Variants in EPB41L1 observed in about 807,000 individuals in gnomAD.
EPB41L1 encodes the protein band 4.1-like protein 1.
In EPB41L1, 29 loss-of-function variants were observed where a neutral mutation model predicts 97.8. That is an observed-to-expected ratio of 0.30 (90% CI 0.22 to 0.40). The LOEUF (loss-of-function observed/expected upper bound fraction) is 0.40. Among genes scored for constraint, EPB41L1 ranks in the 10% least tolerant of loss-of-function variants. EPB41L1 has a pLI of 1.00. For missense variants in EPB41L1, 812 were observed against 1,162.3 expected (o/e 0.70, Z 4.38); for synonymous variants, 383 against 459.2 (o/e 0.83, Z 2.12).
At chr20:36,097,425 G>A (rs1362909122) in intron 1 of EPB41L1, among the ~76,000 whole-genome samples, 1 of 152,198 alleles carries the variant, frequency 6.6e-6, no homozygotes, top group Non-Finnish European at 1.5e-5. Context: ...AACATCCTTG[G>A]AATGCTTAGC....
chr20:36,185,511 T>C (rs2061647639), intron 7 of EPB41L1, among the ~76,000 whole-genome samples, 176 bp downstream of exon 7: 1 of 152,232 alleles, frequency 6.6e-6, no homozygotes. Context: ...CGATAGTGAC[T>C]GGCTGTGTGG....
chr20:36,209,563 G>T lies in EPB41L1; in HGVS notation c.1744G>T (p.Asp582Tyr), dbSNP rs377204947. 1.2e-6 allele frequency: 2 copies of T among 1,613,986 alleles called. No individual in the cohort carries two copies. The highest frequency in any genetic ancestry group is 2.7e-5 in the African/African-American group (2 of 74,888). ...CCGGGCCCCAGAGAGTGACACAGGC[G>T]ATGAGGACCAGGACCAGGAGAGGGA... Reference protein sequence around the residue: ...RPRAPESDTGDEDQDQERDTV... With the variant: ...RPRAPESDTGYEDQDQERDTV... The change falls in exon 15 of 22, where the codon GAT becomes TAT. Residue 582 changes from aspartate to tyrosine, a missense_variant. Around this residue, in one of 3 missense-constraint regions of EPB41L1, gnomAD observed 498 missense variants for 622.7 expected, o/e 0.80. Coordinates refer to ENST00000338074, the MANE Select transcript of EPB41L1 (RefSeq NM_012156.2). The surrounding 1 kb of genome is among the most constrained non-coding windows in gnomAD (Gnocchi z 4.2).
At chr20:36,199,924 G>T (rs971227385) in intron 14 of EPB41L1, among the ~76,000 whole-genome samples, 2 of 152,124 alleles carry the variant, frequency 1.3e-5, no homozygotes, top group African/African-American at 4.8e-5. Context: ...CCCACCTGCT[G>T]GTGATAGCTG....
intron 6 of EPB41L1, among the ~76,000 whole-genome samples, chr20:36,183,464 G>A (rs2061552405): frequency 6.6e-6 from 1 of 152,216 alleles, no homozygotes; most frequent in Non-Finnish European, 1.5e-5. Flanking sequence ...GCAGCAGCAA[G>A]ATCTGAAACT....
At position 36,212,527 on chromosome 20, in the gene EPB41L1, G is replaced by A. The variant is rs2063192575; in HGVS notation, c.2184+151G>A. The A allele has an allele frequency of 5.7e-6, 4 of 702,690 alleles. No homozygotes were observed. The highest frequency in any genetic ancestry group is 2.2e-5 in the Admixed American group (1 of 45,550). 43.5% of individuals were successfully genotyped at this position (702,690 alleles called of 1,614,324 possible). Reference sequence around the variant, plus strand: ...AATCCTGATGCTCTCCTGTGCCTCAGTGTCCTCTCTGAGCTCTGGGGAGGG... The same window carrying A: ...AATCCTGATGCTCTCCTGTGCCTCAATGTCCTCTCTGAGCTCTGGGGAGGG... On this transcript the variant is annotated intron_variant, in intron 16 of 21. Transcript: ENST00000338074. This position sits in a 1 kb window ranked among gnomAD's most constrained non-coding sequence, Gnocchi z 4.8.
At chr20:36,143,067 C>T (rs2059698386) in intron 2 of EPB41L1, among the ~76,000 whole-genome samples, 1 of 151,884 alleles carries the variant, frequency 6.6e-6, no homozygotes, top group Non-Finnish European at 1.5e-5. Context: ...CCTGCCGGTT[C>T]CGAGTGACCG....
chr20:36,147,253 G>T (rs2059875844), intron 2 of EPB41L1, among the ~76,000 whole-genome samples: 1 of 152,066 alleles, frequency 6.6e-6, no homozygotes, highest in South Asian at 2.1e-4. Flanking sequence ...AAAATCTCTA[G>T]CATATATTCA....
chr20:36,206,698 G>A lies in EPB41L1; in HGVS notation c.1669-2790G>A. The A allele has an allele frequency of 7.8e-7, 1 of 1,289,836 alleles. No homozygotes were observed. The highest frequency in any genetic ancestry group is 2.3e-5 in the Admixed American group (1 of 43,570). 79.9% of individuals were successfully genotyped at this position (1,289,836 alleles called of 1,614,324 possible). On this transcript the variant is annotated intron_variant, in intron 14 of 21. Coordinates refer to ENST00000338074, the MANE Select transcript of EPB41L1 (RefSeq NM_012156.2). This position sits in a 1 kb window ranked among gnomAD's most constrained non-coding sequence, Gnocchi z 5.5. ...CCCCAAGAACCATGGAGGACCTGGT[G>A]ACCTGAAGGGATCTCCCGCAGGACA... is the stretch of plus-strand genomic sequence containing the variant.
intron 11 of EPB41L1, among the ~76,000 whole-genome samples, chr20:36,192,863 G>A (rs147637912): frequency 6.6e-6 from 1 of 152,220 alleles, no homozygotes; most frequent in Non-Finnish European, 1.5e-5. Flanking sequence ...TGCAGAAAGG[G>A]TGCCAACTGG....
intron 6 of EPB41L1, among the ~76,000 whole-genome samples, chr20:36,183,857 T>C (rs762169673): frequency 2.6e-5 from 4 of 152,192 alleles, no homozygotes; most frequent in East Asian, 1.9e-4. Context: ...ACACTGAGGC[T>C]GCACATACTT....
chr20:36,208,301 A>G, intron 14 of EPB41L1: 1 of 449,776 alleles, frequency 2.2e-6, no homozygotes. Context: ...TCTAATCCAG[A>G]ACAAATCCGG....
intron 12 of EPB41L1, 125 bp downstream of exon 12, chr20:36,194,485 A>C: frequency 2.4e-6 from 3 of 1,274,178 alleles, no homozygotes; most frequent in Non-Finnish European, 2.2e-6. Flanking sequence ...GGAGTGCACC[A>C]TGGCAGGGCC....
chr20:36,171,203 A>G (rs1056209662), intron 1 of EPB41L1, among the ~76,000 whole-genome samples: 3 of 150,948 alleles, frequency 2.0e-5, no homozygotes, highest in African/African-American at 7.3e-5. Context: ...TATAGGCCTT[A>G]TCTGGCATTA....
intron 1 of EPB41L1, among the ~76,000 whole-genome samples, chr20:36,100,896 G>A (rs1011072039): frequency 6.6e-6 from 1 of 152,092 alleles, no homozygotes; most frequent in African/African-American, 2.4e-5. Flanking sequence ...CAGCCTTGGG[G>A]CCCGCCAAGG....
chr20:36,180,170 G>T (rs1214679337), intron 5 of EPB41L1, among the ~76,000 whole-genome samples: 2 of 152,212 alleles, frequency 1.3e-5, no homozygotes, highest in African/African-American at 4.8e-5. Context: ...ACCTTATCCA[G>T]GAGAGCCACA....
At chr20:36,170,035 T>A (rs1305214710) in intron 1 of EPB41L1, among the ~76,000 whole-genome samples, 1 of 152,254 alleles carries the variant, frequency 6.6e-6, no homozygotes, top group Non-Finnish European at 1.5e-5. Flanking sequence ...CATGCCCACG[T>A]GACGGGCTAT....
chr20:36,154,530 G>A (rs1309235253), upstream of EPB41L1, among the ~76,000 whole-genome samples: 5 of 150,746 alleles, frequency 3.3e-5, no homozygotes, highest in Non-Finnish European at 5.9e-5. This position sits in a 1 kb window ranked among gnomAD's most constrained non-coding sequence, Gnocchi z 5.5. Context: ...GAGGTGGGTG[G>A]TAGAGGAGAC....
intron 2 of EPB41L1, among the ~76,000 whole-genome samples, chr20:36,147,731 G>C (rs1416853234): frequency 6.6e-6 from 1 of 152,146 alleles, no homozygotes; most frequent in African/African-American, 2.4e-5. Flanking sequence ...TGGGACCAGG[G>C]ACACACACAC....
intron 2 of EPB41L1, among the ~76,000 whole-genome samples, chr20:36,175,284 C>T (rs1414489083): frequency 1.3e-5 from 2 of 152,170 alleles, no homozygotes; most frequent in African/African-American, 2.4e-5. Flanking sequence ...ATGGGATGCT[C>T]CTGCCTCAGA....
Sources: gnomAD v4.1 joint callset for allele counts (sites outside exome capture counted in the v4.1 genomes callset) on GRCh38, gnomAD v4.1.1 for gene constraint, gnomAD v4.1.1 regional missense constraint, Gnocchi (gnomAD v3.1) non-coding constraint, MANE v1.5 for transcripts, NCBI Gene and HGNC (gene_info 2026-07-23, HGNC 2026-07-21) for gene names.